HACE1: variants seen among roughly 807,000 people sequenced by gnomAD.
The protein encoded by HACE1 is HECT domain and ankyrin repeat containing E3 ubiquitin protein ligase 1.
A neutral mutation model predicts 118.4 loss-of-function variants in HACE1; 73 were observed. That is an observed-to-expected ratio of 0.62 (90% CI 0.51 to 0.75). HACE1 has a LOEUF of 0.75. HACE1 is among the 30% of genes least tolerant of loss of function. The pLI, the probability that HACE1 is intolerant of heterozygous loss-of-function variation, is 0.00. For missense variants in HACE1, 749 were observed against 1,102.2 expected, an observed-to-expected ratio of 0.68 and a Z score of 4.54; for synonymous variants, 368 against 374.8, an observed-to-expected ratio of 0.98 and a Z score of 0.21.
At chr6:104,840,577 C>T (rs945384329) in intron 5 of HACE1, among the ~76,000 whole-genome samples, 18 of 151,986 alleles carry the variant, frequency 1.2e-4, no homozygotes, top group African/African-American at 4.1e-4. Flanking sequence ...ACCTGTAATC[C>T]GAGCACTTTG....
Position 104,795,590 on chromosome 6 carries a change from A to G in HACE1, c.912T>C (p.His304=), listed in dbSNP as rs746472051. The G allele has an allele frequency of 2.5e-6, 4 of 1,595,546 alleles. No homozygotes were observed. Among genetic ancestry groups the G allele is most frequent in the Non-Finnish European group, 3.4e-6 (4 of 1,163,144 alleles). The change falls in exon 10 of 24, where the codon CAT becomes CAC. Residue 304 remains histidine (H), a synonymous_variant. Coordinates refer to ENST00000262903, the MANE Select transcript of HACE1 (RefSeq NM_020771.4). ...TGCGAAACACTTACCTAAGCAGTTTATGACCATTTGTTGTAGCAACTTCAG... is the reference window on the plus strand; with the variant it reads ...TGCGAAACACTTACCTAAGCAGTTTGTGACCATTTGTTGTAGCAACTTCAG... ...SLAEVATTNG[H]KLLSLSSNYD... is the part of the protein sequence containing the mutation.
intron 7 of HACE1, among the ~76,000 whole-genome samples, chr6:104,807,704 G>GAA (rs201878783): frequency 6.0e-5 from 9 of 150,824 alleles, no homozygotes; most frequent in African/African-American, 1.9e-4. Context: ...ATGGCAGGGG[G>GAA]AAAAAAAAAT....
intron 12 of HACE1, 85 bp from the exon 13 acceptor site, chr6:104,784,570 G>T: frequency 1.1e-6 from 1 of 912,902 alleles, no homozygotes; most frequent in South Asian, 1.5e-5. Context: ...TACTGAACTG[G>T]ACTGGCTTCT....
chr6:104,828,467 T>G (rs1244611134), intron 6 of HACE1, among the ~76,000 whole-genome samples: 1 of 151,992 alleles, frequency 6.6e-6, no homozygotes, highest in Non-Finnish European at 1.5e-5. Context: ...GAAATCAGTA[T>G]CCAAAGACAT....
intron 13 of HACE1, 25 bp from the exon 14 acceptor site, chr6:104,784,198 A>T (rs1353458871): frequency 5.4e-6 from 7 of 1,299,872 alleles, no homozygotes; most frequent in Non-Finnish European, 7.8e-6. Flanking sequence ...TTTTGTTTAA[A>T]TGGACAGGAA....
At chr6:104,782,937 C>T (rs192921984) in intron 14 of HACE1, among the ~76,000 whole-genome samples, 67 of 152,252 alleles carry the variant, frequency 4.4e-4, no homozygotes, top group Admixed American at 3.5e-3. Context: ...TAAAACTTTG[C>T]CAGAATTATG....
chr6:104,819,729 G>A (rs1285385686), intron 6 of HACE1, among the ~76,000 whole-genome samples: 1 of 151,982 alleles, frequency 6.6e-6, no homozygotes, highest in Admixed American at 6.5e-5. Flanking sequence ...CCACAAATAA[G>A]ACCGCACTCT....
chr6:104,828,346 A>G (rs1395793226), intron 6 of HACE1, among the ~76,000 whole-genome samples: 1 of 152,070 alleles, frequency 6.6e-6, no homozygotes, highest in Admixed American at 6.5e-5. Flanking sequence ...TCATAATAGC[A>G]GTAGGTATTA....
chr6:104,756,648 C>A (rs1778727756), intron 19 of HACE1, among the ~76,000 whole-genome samples: 1 of 151,996 alleles, frequency 6.6e-6, no homozygotes, highest in Non-Finnish European at 1.5e-5. Context: ...TGGGTGATGT[C>A]TGCATTTCCA....
At chr6:104,810,943 T>G (rs1179154902) in intron 7 of HACE1, among the ~76,000 whole-genome samples, 4 of 152,070 alleles carry the variant, frequency 2.6e-5, no homozygotes, top group South Asian at 2.1e-4. Context: ...CGATGGGAAT[T>G]ACCAGATTAC....
At chr6:104,801,895 T>G (rs559531917) in intron 7 of HACE1, among the ~76,000 whole-genome samples, 4 of 152,192 alleles carry the variant, frequency 2.6e-5, no homozygotes, top group African/African-American at 9.6e-5. Context: ...ATGCCCCAAT[T>G]AAAAGACAGA....
At chr6:104,820,818 C>T (rs534247537) in intron 6 of HACE1, among the ~76,000 whole-genome samples, 2 of 152,228 alleles carry the variant, frequency 1.3e-5, no homozygotes, top group East Asian at 1.9e-4. Context: ...ACCATTTGAC[C>T]CAGCAATCCC....
At chr6:104,750,200 C>T in intron 20 of HACE1, 141 bp downstream of exon 20, 1 of 691,082 alleles carries the variant, frequency 1.4e-6, no homozygotes, top group East Asian at 2.9e-5. Context: ...TATATCAAAT[C>T]TCTAAAAATG....
intron 1 of HACE1, among the ~76,000 whole-genome samples, chr6:104,854,929 ATAAAAG>A (rs542063909): frequency 7.1e-4 from 108 of 152,220 alleles, no homozygotes; most frequent in Non-Finnish European, 1.2e-3. Flanking sequence ...CTTTTTCACT[ATAAAAG>A]TAAAATACTA....
intron 6 of HACE1, among the ~76,000 whole-genome samples, chr6:104,826,779 A>G (rs1773379303): frequency 6.6e-6 from 1 of 152,162 alleles, no homozygotes; most frequent in Non-Finnish European, 1.5e-5. Context: ...CTAAAACTGG[A>G]TCGACAAAAC....
chr6:104,849,827 T>C (rs1362966999), intron 3 of HACE1, among the ~76,000 whole-genome samples: 3 of 151,552 alleles, frequency 2.0e-5, no homozygotes. Flanking sequence ...TTTTTTTGTA[T>C]TTTTAGCAGA....
intron 7 of HACE1, among the ~76,000 whole-genome samples, chr6:104,797,573 G>T (rs777480925): frequency 1.1e-4 from 17 of 152,022 alleles, no homozygotes; most frequent in Non-Finnish European, 2.1e-4. Context: ...CATGAAGTGG[G>T]GTTATTAGCC....
intron 7 of HACE1, among the ~76,000 whole-genome samples, chr6:104,804,157 G>C (rs978059540): frequency 6.6e-6 from 1 of 152,100 alleles, no homozygotes; most frequent in Non-Finnish European, 1.5e-5. Context: ...CAACTTACAA[G>C]GGATGTGAAG....
intron 19 of HACE1, among the ~76,000 whole-genome samples, chr6:104,762,707 A>G (rs1260304236): frequency 6.6e-6 from 1 of 152,084 alleles, no homozygotes; most frequent in African/African-American, 2.4e-5. Context: ...ATTTTAAAAA[A>G]AGGCCGGGCG....
Sources: allele counts gnomAD v4.1 joint callset (sites outside exome capture counted in the v4.1 genomes callset), GRCh38; gene constraint gnomAD v4.1.1; transcripts MANE v1.5; gene names NCBI Gene and HGNC (gene_info 2026-07-23, HGNC 2026-07-21).